The following MAST3 variants were observed in gnomAD, a reference collection of about 807,000 sequenced individuals.
MAST3 encodes microtubule associated serine/threonine kinase 3.
In MAST3, 43 loss-of-function variants were observed where a neutral mutation model predicts 127.0. That is an observed-to-expected ratio of 0.34 (90% confidence interval 0.27 to 0.44). The LOEUF (loss-of-function observed/expected upper bound fraction) is 0.44, where lower values mean the gene tolerates loss of function less well. MAST3 is among the 20% of genes least tolerant of loss of function. The probability of loss-of-function intolerance (pLI) is 1.00; values close to 1 mark genes in which losing one functional copy is unlikely to be tolerated. For synonymous variants in MAST3, 785 were observed against 809.2 expected (o/e 0.97, Z 0.51); for missense variants, 1,390 against 1,919.1 (o/e 0.72, Z 5.15).
In MAST3 at chr19:18,144,553, G is replaced by A. The variant is rs747153841; in HGVS notation, c.2672G>A (p.Arg891Gln). The A allele has an allele frequency of 2.3e-5, 37 of 1,609,390 alleles. No homozygotes were observed. The highest frequency in any genetic ancestry group is 4.4e-5 in the South Asian group (4 of 90,884). The change falls in exon 23 of 28, where the codon CGG becomes CAG. Residue 891 changes from arginine to glutamine, a missense_variant. Physicochemically the swap from Arg to Gln is conservative, Grantham distance 43. Transcript: ENST00000687212. The surrounding 1 kb of genome is among the most constrained non-coding windows in gnomAD (Gnocchi z 4.0). The part of the protein sequence containing the change: ...HSTPRPLDAG[R>Q]GRRLGGPRDP... ...ACACCAAGGCCTCTGGATGCCGGCC[G>A]GGGCCGCCGCCTTGGGGGCCCAAGA...
At chr19:18,133,253 C>T (rs1198593971) in intron 15 of MAST3, among the ~76,000 whole-genome samples, 1 of 152,134 alleles carries the variant, frequency 6.6e-6, no homozygotes, top group African/African-American at 2.4e-5. Flanking sequence ...TACACACTAA[C>T]GTTGGGTTTC....
At chr19:18,130,393 A>T in intron 13 of MAST3, 101 bp from the exon 14 acceptor site, 1 of 1,066,534 alleles carries the variant, frequency 9.4e-7, no homozygotes, top group Non-Finnish European at 1.4e-6. Flanking sequence ...GGCACAGCAC[A>T]GGCAAAGGCC....
intron 11 of MAST3, among the ~76,000 whole-genome samples, chr19:18,127,004 TCTC>T (rs1425300957): frequency 6.6e-6 from 1 of 150,438 alleles, no homozygotes; most frequent in African/African-American, 2.4e-5. Flanking sequence ...ATGGTCTCGA[TCTC>T]CTGACCTCAT....
At chr19:18,108,351 G>T (rs2038228652) in intron 2 of MAST3, among the ~76,000 whole-genome samples, 1 of 145,948 alleles carries the variant, frequency 6.9e-6, no homozygotes, top group Non-Finnish European at 1.5e-5. Context: ...TGTAGGTTGG[G>T]TTTTTTTTTT....
At chr19:18,123,177 C>A in intron 6 of MAST3, 40 bp from the exon 7 acceptor site, 3 of 1,609,502 alleles carry the variant, frequency 1.9e-6, no homozygotes, top group Non-Finnish European at 2.5e-6. Flanking sequence ...ACAGCACTGA[C>A]GGTGAACTCA....
chr19:18,143,727 C>T (rs1355909065), intron 21 of MAST3, 36 bp from the exon 22 acceptor site: 4 of 1,610,228 alleles, frequency 2.5e-6, no homozygotes, highest in Non-Finnish European at 3.4e-6. Context: ...GGTGCAGGTG[C>T]CTGGCAGGGG....
rs2041365587 is a variant in MAST3 at position 18,132,084 on chromosome 19, G to A, written c.1571+37G>A. The A allele has an allele frequency of 3.7e-6, 6 of 1,611,264 alleles. 1 individual carries two copies. The highest frequency in any genetic ancestry group is 3.3e-4 in the Middle Eastern group (2 of 6,046). On this transcript the variant is annotated intron_variant, in intron 15 of 27. Coordinates refer to ENST00000687212, the MANE Select transcript of MAST3 (RefSeq NM_001393504.1). Reference sequence around the variant, plus strand: ...TAGCATGAGCGGGGCCTCGCGGAGGGCGGGGCCAGAGAGGATCAGGGGCGG... The same window carrying A: ...TAGCATGAGCGGGGCCTCGCGGAGGACGGGGCCAGAGAGGATCAGGGGCGG...
intron 20 of MAST3, among the ~76,000 whole-genome samples, chr19:18,140,413 G>A (rs775870707): frequency 1.3e-5 from 2 of 152,088 alleles, no homozygotes; most frequent in African/African-American, 4.8e-5. Flanking sequence ...GTACAATTTC[G>A]TGGCATTCAG....
chr19:18,147,069 G>T, intron 26 of MAST3, 25 bp downstream of exon 26: 1 of 1,455,554 alleles, frequency 6.9e-7, no homozygotes, highest in Non-Finnish European at 9.1e-7. Flanking sequence ...GGGCCACGGG[G>T]ACTGGGGTTC....
chr19:18,137,408 C>A (rs752688566), intron 19 of MAST3, 47 bp downstream of exon 19: 19 of 1,587,924 alleles, frequency 1.2e-5, no homozygotes, highest in East Asian at 2.2e-5. Context: ...GCTCTGCCAT[C>A]CCTCAGTCCC....
intron 14 of MAST3, among the ~76,000 whole-genome samples, chr19:18,131,310 C>G (rs1383156300): frequency 2.0e-5 from 3 of 151,898 alleles, no homozygotes; most frequent in Admixed American, 6.6e-5. Flanking sequence ...ACTCTAGAGG[C>G]GGAGCTTGCA....
chr19:18,120,862 C>T lies in MAST3; in HGVS notation c.162-823C>T, dbSNP rs1256027022. On this transcript the variant is annotated intron_variant, in intron 3 of 27. Coordinates refer to ENST00000687212, the MANE Select transcript of MAST3 (RefSeq NM_001393504.1). The stretch of plus-strand genomic sequence containing the variant: ...TCAGCCTACCAAGTAGCTGGGATTA[C>T]AGGCATGCATCACCACGCCCAGCTA... Among the ~76,000 whole-genome samples, 3 of 152,160 alleles carry T rather than the reference C, an allele frequency of 2.0e-5. No homozygotes were observed. The East Asian group carries it at 5.8e-4, about 29-fold the overall frequency.
At chr19:18,104,426 A>G (rs2037899828) in intron 1 of MAST3, among the ~76,000 whole-genome samples, 1 of 151,842 alleles carries the variant, frequency 6.6e-6, no homozygotes, top group Non-Finnish European at 1.5e-5. Flanking sequence ...AGCTGAAGTC[A>G]GGCCTGGGGT....
Position 18,144,105 on chromosome 19 carries a change from G to A in MAST3, c.2584+98G>A, listed in dbSNP as rs1180906199. ...TTCAAGGATGAGTAGGAGTTCTCCAGAGCCAACAAAGGCTTTAAGAGAGGA... is the reference window on the plus strand; with the variant it reads ...TTCAAGGATGAGTAGGAGTTCTCCAAAGCCAACAAAGGCTTTAAGAGAGGA... On this transcript the variant is annotated intron_variant, in intron 22 of 27. Transcript: ENST00000687212. This position sits in a 1 kb window ranked among gnomAD's most constrained non-coding sequence, Gnocchi z 4.0. The A allele has an allele frequency of 6.8e-7, 1 of 1,460,552 alleles. No homozygotes were observed. Among genetic ancestry groups the A allele is most frequent in the Non-Finnish European group, 9.1e-7 (1 of 1,100,368 alleles). The allele number at this position is 1,460,552 out of a possible 1,614,324, so 90.5% of individuals were successfully genotyped here.
At chr19:18,118,372 G>A (rs1183589510) in intron 3 of MAST3, 1 of 524,942 alleles carries the variant, frequency 1.9e-6, no homozygotes, top group African/African-American at 2.1e-5. Flanking sequence ...GGCAGCAGTG[G>A]GAAGGGGGGA....
At chr19:18,124,541 GT>G (rs2147232484) in intron 10 of MAST3, 100 bp from the exon 11 acceptor site, 1 of 1,456,138 alleles carries the variant, frequency 6.9e-7, no homozygotes, top group Non-Finnish European at 9.3e-7. Flanking sequence ...TGGAGACCCA[GT>G]GGGTGAGCTG....
rs1452121136 is a variant in MAST3 at position 18,145,072 on chromosome 19, G to T, written c.2882G>T (p.Arg961Leu). 1.2e-6 allele frequency: 2 copies of T among 1,612,564 alleles called. No individual in the cohort carries two copies. The highest frequency in any genetic ancestry group is 1.1e-5 in the South Asian group (1 of 91,072). Reference sequence around the variant, plus strand: ...TCTCTGTCCTCGAACCCGTCGTCCCGTGACTCTTCGCCGAGCCGAGACCCG... The same window carrying T: ...TCTCTGTCCTCGAACCCGTCGTCCCTTGACTCTTCGCCGAGCCGAGACCCG... ...PRSLSSNPSS[R>L]DSSPSRDPSP... The change falls in exon 24 of 28, where the codon CGT becomes CTT. Residue 961 changes from arginine to leucine, a missense_variant. Arg to Leu is a moderately radical substitution (Grantham distance 102). Around this residue, in one of 5 missense-constraint regions of MAST3, gnomAD observed 816 missense variants for 934.1 expected, o/e 0.87. Transcript: ENST00000687212. This position sits in a 1 kb window ranked among gnomAD's most constrained non-coding sequence, Gnocchi z 5.9.
At chr19:18,105,471 G>A (rs191314090) in intron 1 of MAST3, among the ~76,000 whole-genome samples, 4 of 151,806 alleles carry the variant, frequency 2.6e-5, no homozygotes, top group Non-Finnish European at 5.9e-5. Flanking sequence ...GGCCAAAGTG[G>A]GTGGATCATC....
In MAST3 at chr19:18,145,644, G is replaced by A; in HGVS notation, c.3040-99G>A. 7.3e-7 allele frequency: 1 copy of A among 1,363,872 alleles called. No homozygotes were observed. Among genetic ancestry groups the A allele is most frequent in the Non-Finnish European group, 9.7e-7 (1 of 1,027,842 alleles). The allele number at this position is 1,363,872 out of a possible 1,614,324, so 84.5% of individuals were successfully genotyped here. ...CAGGGAAACTGAGACAGCACAAGAGGCAGCAGCTTGCTGGGGTCCCACAGC... is the reference window on the plus strand; with the variant it reads ...CAGGGAAACTGAGACAGCACAAGAGACAGCAGCTTGCTGGGGTCCCACAGC... On this transcript the variant is annotated intron_variant, in intron 24 of 27. Coordinates refer to ENST00000687212, the MANE Select transcript of MAST3 (RefSeq NM_001393504.1). This position sits in a 1 kb window ranked among gnomAD's most constrained non-coding sequence, Gnocchi z 5.9.
Sources: allele counts gnomAD v4.1 joint callset (sites outside exome capture counted in the v4.1 genomes callset), GRCh38; gene constraint gnomAD v4.1.1; regional missense constraint gnomAD v4.1.1; non-coding constraint Gnocchi (gnomAD v3.1); transcripts MANE v1.5; gene names NCBI Gene and HGNC (gene_info 2026-07-23, HGNC 2026-07-21).